The following CADPS2 variants were observed in gnomAD, a reference collection of about 807,000 sequenced individuals.
CADPS2 encodes calcium dependent secretion activator 2, also known as calcium-dependent secretion activator 2.
A neutral mutation model predicts 172.5 loss-of-function variants in CADPS2; 93 were observed. That is an observed-to-expected ratio of 0.54 (90% CI 0.46 to 0.64). The LOEUF is 0.64. Ranked by LOEUF, CADPS2 falls within the 30% of genes least tolerant of loss-of-function variation. The probability of loss-of-function intolerance (pLI) is 0.00; values close to 1 mark genes in which losing one functional copy is unlikely to be tolerated. For missense variants in CADPS2, 1,420 were observed against 1,565.9 expected, an observed-to-expected ratio of 0.91 and a Z score of 1.57; for synonymous variants, 546 against 555.2, an observed-to-expected ratio of 0.98 and a Z score of 0.23.
At chr7:122,347,274 A>G (rs2037814997) in intron 27 of CADPS2, among the ~76,000 whole-genome samples, 1 of 152,168 alleles carries the variant, frequency 6.6e-6, no homozygotes, top group Non-Finnish European at 1.5e-5. Flanking sequence ...TAAATGAAAG[A>G]GAGTTCTTGC....
chr7:122,756,744 CAA>C (rs2093176712), intron 1 of CADPS2, among the ~76,000 whole-genome samples: 1 of 152,006 alleles, frequency 6.6e-6, no homozygotes, highest in Admixed American at 6.6e-5. Context: ...ACTAAAAATA[CAA>C]AAAGTTAGCC....
At chr7:122,326,590 G>T (rs1342898792) in intron 28 of CADPS2, among the ~76,000 whole-genome samples, 1 of 151,968 alleles carries the variant, frequency 6.6e-6, no homozygotes, top group East Asian at 1.9e-4. Context: ...AGGAGATTTT[G>T]TGCCTTGCTT....
chr7:122,588,252 T>G (rs1315940287), intron 6 of CADPS2, among the ~76,000 whole-genome samples: 1 of 152,164 alleles, frequency 6.6e-6, no homozygotes, highest in African/African-American at 2.4e-5. Context: ...TCTGTTGCAA[T>G]GGCTTTTGTC....
chr7:122,644,576 G>A (rs542220711), intron 3 of CADPS2, among the ~76,000 whole-genome samples: 2 of 152,210 alleles, frequency 1.3e-5, no homozygotes, highest in East Asian at 3.9e-4. Context: ...CCAAAACAGA[G>A]TAATTCCACC....
rs1377658674 is a variant in CADPS2 at position 122,351,118 on chromosome 7, C to A, written c.3505-5437G>T. On this transcript the variant is annotated intron_variant, in intron 27 of 29. Transcript: ENST00000449022. The stretch of plus-strand genomic sequence containing the variant: ...TGGTGATTCATGCCTGTAATCCCAG[C>A]ACTTTGGGAGGCTGAGGTGGGCAGA... Among the ~76,000 whole-genome samples, 4 of 150,816 alleles carry A rather than the reference C, an allele frequency of 2.7e-5. No individual in the cohort carries two copies. The East Asian group carries it at 7.9e-4, about 30-fold the overall frequency.
chr7:122,479,247 C>T (rs1222369339), intron 12 of CADPS2, among the ~76,000 whole-genome samples: 1 of 152,120 alleles, frequency 6.6e-6, no homozygotes, highest in Non-Finnish European at 1.5e-5. Flanking sequence ...ATTTACTGTC[C>T]TACATTTAAA....
intron 29 of CADPS2, 63 bp from the exon 30 acceptor site, chr7:122,320,401 A>G (rs2032165408): frequency 7.8e-7 from 1 of 1,281,556 alleles, no homozygotes. Context: ...ATAGATATAT[A>G]CTCAGTTGGC....
intron 27 of CADPS2, among the ~76,000 whole-genome samples, chr7:122,358,957 A>G (rs943531797): frequency 8.5e-5 from 13 of 152,136 alleles, no homozygotes; most frequent in Non-Finnish European, 5.9e-5. Flanking sequence ...TGATTGCCAT[A>G]GAAGTGTGCA....
rs112118611 is a variant in CADPS2, at chr7:122,644,099, G to T, written c.787-14771C>A. 1.1e-3 allele frequency among the ~76,000 whole-genome samples: 158 copies of T among 146,144 alleles called. 1 individual carries two copies. Among genetic ancestry groups the T allele is most frequent in the African/African-American group, 3.7e-3 (143 of 38,920 alleles). On this transcript the variant is annotated intron_variant, in intron 3 of 29. Coordinates refer to ENST00000449022, the MANE Select transcript of CADPS2 (RefSeq NM_017954.11). ...GAAAAGAAAGGAAGGAAGGAATGAA[G>T]GAAGGAAGGAAGGAAGGAACAAACG...
At chr7:122,535,182 T>G (rs2131418156) in intron 8 of CADPS2, among the ~76,000 whole-genome samples, 1 of 152,140 alleles carries the variant, frequency 6.6e-6, no homozygotes, top group South Asian at 2.1e-4. Flanking sequence ...GAAAAGTATT[T>G]TGTATTAGTA....
intron 1 of CADPS2, among the ~76,000 whole-genome samples, chr7:122,880,082 A>G (rs944101096): frequency 1.3e-5 from 2 of 152,202 alleles, no homozygotes; most frequent in African/African-American, 4.8e-5. Context: ...TTACTACTAC[A>G]TACACTGAGG....
chr7:122,697,640 T>C, intron 2 of CADPS2: 1 of 647,808 alleles, frequency 1.5e-6, no homozygotes, highest in East Asian at 2.8e-5. Flanking sequence ...ACTTTTTTGC[T>C]ATCTTTGAGG....
intron 3 of CADPS2, among the ~76,000 whole-genome samples, chr7:122,637,455 C>G (rs1219961467): frequency 6.6e-6 from 1 of 152,110 alleles, no homozygotes; most frequent in African/African-American, 2.4e-5. Context: ...CAAGCATGAG[C>G]CACTGTGCCT....
chr7:122,615,371 G>A (rs2074786860), intron 5 of CADPS2, 72 bp from the exon 6 acceptor site: 4 of 994,126 alleles, frequency 4.0e-6, no homozygotes, highest in Non-Finnish European at 5.8e-6. Context: ...ACAGCAGCAT[G>A]AACTGTAATA....
At chr7:122,421,696 C>T (rs1312363339) in intron 17 of CADPS2, among the ~76,000 whole-genome samples, 1 of 152,114 alleles carries the variant, frequency 6.6e-6, no homozygotes, top group East Asian at 1.9e-4. Context: ...ATATGGCAAC[C>T]TATAATCCAT....
chr7:122,504,725 C>A (rs2059481632), intron 9 of CADPS2, among the ~76,000 whole-genome samples: 1 of 152,052 alleles, frequency 6.6e-6, no homozygotes, highest in Non-Finnish European at 1.5e-5. Flanking sequence ...TGCCACTGTG[C>A]CCAGTTAATT....
At chr7:122,797,552 T>C (rs951189370) in intron 1 of CADPS2, among the ~76,000 whole-genome samples, 2 of 152,110 alleles carry the variant, frequency 1.3e-5, no homozygotes, top group Admixed American at 6.6e-5. Context: ...TGCAGAGACA[T>C]AGATGGAGCT....
chr7:122,766,690 C>T (rs1267423218), intron 1 of CADPS2, among the ~76,000 whole-genome samples: 1 of 152,088 alleles, frequency 6.6e-6, no homozygotes, highest in African/African-American at 2.4e-5. Flanking sequence ...AAGTAAAGCT[C>T]AAGCAGTGGC....
At chr7:122,713,231 A>C (rs998935822) in intron 2 of CADPS2, among the ~76,000 whole-genome samples, 3 of 148,508 alleles carry the variant, frequency 2.0e-5, no homozygotes, top group Non-Finnish European at 4.6e-5. Flanking sequence ...AAGTCTCGTT[A>C]GTTTTACCAG....
Sources: allele counts gnomAD v4.1 joint callset (sites outside exome capture counted in the v4.1 genomes callset), GRCh38; gene constraint gnomAD v4.1.1; transcripts MANE v1.5; gene names NCBI Gene and HGNC (gene_info 2026-07-23, HGNC 2026-07-21).